Variants in MINDY3 observed in about 807,000 individuals in gnomAD.
The protein encoded by MINDY3 is ubiquitin carboxyl-terminal hydrolase MINDY-3.
Under a neutral mutation model 69.2 loss-of-function variants are expected in MINDY3, and 38 were observed. That is an observed-to-expected ratio of 0.55 (90% CI 0.42 to 0.72). The LOEUF is 0.72. Among genes scored for constraint, MINDY3 ranks in the 30% least tolerant of loss-of-function variants. The pLI is 0.00. For missense variants in MINDY3, 522 were observed against 519.0 expected, an observed-to-expected ratio of 1.01 and a Z score of -0.06; for synonymous variants, 192 against 180.1, an observed-to-expected ratio of 1.07 and a Z score of -0.53.
intron 8 of MINDY3, among the ~76,000 whole-genome samples, chr10:15,825,714 T>C (rs1481407606): frequency 2.0e-5 from 3 of 152,252 alleles, no homozygotes; most frequent in Non-Finnish European, 2.9e-5. Context: ...ATTTACCGTG[T>C]ACAACATGTT....
At chr10:15,822,194 A>T (rs2132005725) in intron 8 of MINDY3, among the ~76,000 whole-genome samples, 1 of 152,342 alleles carries the variant, frequency 6.6e-6, no homozygotes, top group East Asian at 1.9e-4. Context: ...ATGGACATTT[A>T]ATGCCATCCC....
intron 11 of MINDY3, among the ~76,000 whole-genome samples, chr10:15,792,365 T>C (rs899788790): frequency 4.6e-5 from 7 of 152,100 alleles, no homozygotes; most frequent in Non-Finnish European, 8.8e-5. Flanking sequence ...TGATACAAGC[T>C]CATAAATAAG....
intron 8 of MINDY3, 70 bp from the exon 9 acceptor site, chr10:15,821,796 G>A (rs536723403): frequency 5.2e-5 from 61 of 1,163,030 alleles, no homozygotes; most frequent in Non-Finnish European, 6.8e-5. Flanking sequence ...AATTTGAAAC[G>A]TACTTATATG....
intron 5 of MINDY3, 62 bp from the exon 6 acceptor site, chr10:15,837,380 GA>G: frequency 2.2e-6 from 3 of 1,341,788 alleles, no homozygotes; most frequent in Non-Finnish European, 3.1e-6. Flanking sequence ...TCATAAAAGG[GA>G]AAATTTTTAA....
intron 8 of MINDY3, among the ~76,000 whole-genome samples, chr10:15,823,297 CCTCTTAGAGACTA>C (rs1044302348): frequency 6.6e-6 from 1 of 152,080 alleles, no homozygotes; most frequent in African/African-American, 2.4e-5. Flanking sequence ...ACCACAAGAC[CCTCTTAGAGACTA>C]CGTGAGATCA....
intron 6 of MINDY3, among the ~76,000 whole-genome samples, chr10:15,836,097 T>C (rs1424335856): frequency 6.6e-6 from 1 of 152,086 alleles, no homozygotes; most frequent in Admixed American, 6.6e-5. Context: ...AAGTCTTTTC[T>C]TACATATGTG....
At chr10:15,799,188 C>T (rs1838070745) in intron 10 of MINDY3, among the ~76,000 whole-genome samples, 1 of 151,876 alleles carries the variant, frequency 6.6e-6, no homozygotes, top group African/African-American at 2.4e-5. Flanking sequence ...ATTTTTTCCC[C>T]CAAATGCTCT....
At chr10:15,849,908 C>A (rs915674769) in intron 1 of MINDY3, among the ~76,000 whole-genome samples, 10 of 152,172 alleles carry the variant, frequency 6.6e-5, no homozygotes, top group Non-Finnish European at 1.5e-4. Context: ...AATTTTCTTA[C>A]CACACAATTT....
intron 11 of MINDY3, among the ~76,000 whole-genome samples, chr10:15,789,995 T>C (rs1837290850): frequency 6.6e-6 from 1 of 152,024 alleles, no homozygotes; most frequent in African/African-American, 2.4e-5. Context: ...TAAACAAAAG[T>C]TGTTTATTCC....
Position 15,816,886 on chromosome 10 carries a change from G to A in MINDY3, c.831C>T (p.Phe277=). 2 of 1,613,024 alleles carry A rather than the reference G, an allele frequency of 1.2e-6. No individual in the cohort carries two copies. The highest frequency in any genetic ancestry group is 1.7e-6 in the Non-Finnish European group (2 of 1,179,440). Residue 277 remains phenylalanine, a synonymous_variant, in exon 10 of 15, where the codon TTC becomes TTT. Coordinates refer to ENST00000277632, the MANE Select transcript of MINDY3 (RefSeq NM_024948.4). ...TCTCACTGCCAACAATCCAAATAGG[G>A]AATTTTGGAGATTTCAAGTAAGAAC... The part of the protein sequence containing the change: ...KVGSYLKSPK[F]PIWIVGSETH...
chr10:15,830,924 C>A (rs1391948621), intron 8 of MINDY3, among the ~76,000 whole-genome samples: 1 of 152,114 alleles, frequency 6.6e-6, no homozygotes, highest in Non-Finnish European at 1.5e-5. Context: ...TAGAAGCCAC[C>A]TAAATTTTGT....
At chr10:15,802,245 G>A (rs1052693211) in intron 10 of MINDY3, among the ~76,000 whole-genome samples, 9 of 151,996 alleles carry the variant, frequency 5.9e-5, no homozygotes, top group African/African-American at 1.9e-4. Flanking sequence ...TTTCAAAAAC[G>A]AACTGCATTA....
chr10:15,825,279 T>C (rs1840015300), intron 8 of MINDY3, among the ~76,000 whole-genome samples: 1 of 152,208 alleles, frequency 6.6e-6, no homozygotes, highest in South Asian at 2.1e-4. Flanking sequence ...AAAATCGAAA[T>C]CTTAAATGCT....
Position 15,779,043 on chromosome 10 carries a change from C to T in MINDY3, c.1287G>A (p.Trp429Ter). 1 of 1,613,518 alleles carries T rather than the reference C, an allele frequency of 6.2e-7. No homozygotes were observed. The highest frequency in any genetic ancestry group is 8.5e-7 in the Non-Finnish European group (1 of 1,179,728). Residue 429 changes from tryptophan to a stop codon, truncating the protein, a stop_gained, in exon 15 of 15, where the codon TGG becomes TGA. Coordinates refer to ENST00000277632, the MANE Select transcript of MINDY3 (RefSeq NM_024948.4). LOFTEE classifies it high-confidence loss of function. ...TGGTCCAGAGTAACTCAATGTATGG[C>T]CATTTGGTTTGCAGACAGCGTTTAA... ...TPIKRCLQTK[W>*]PYIELLWTTD... is the part of the protein sequence containing the mutation.
chr10:15,789,412 A>G (rs1038842699), intron 11 of MINDY3, 93 bp from the exon 12 acceptor site: 7 of 929,456 alleles, frequency 7.5e-6, no homozygotes, highest in Admixed American at 2.0e-5. Flanking sequence ...AAAAAATCGC[A>G]TAAAAAATAC....
rs538954111 is a variant in MINDY3 at position 15,850,756 on chromosome 10, T to C, written c.95-2813A>G. On this transcript the variant is annotated intron_variant, in intron 1 of 14. Transcript: ENST00000277632. ...TCCTGTGATCTCACTCTGCCCCCAT[T>C]TGCCTTGTGATATTTTATTGCCCTT... Among the ~76,000 whole-genome samples, 21 of 152,246 alleles carry C rather than the reference T, an allele frequency of 1.4e-4. No homozygotes were observed. In the South Asian group the frequency reaches 4.4e-3, roughly 32 times the overall value.
chr10:15,837,458 T>C, intron 5 of MINDY3, 140 bp from the exon 6 acceptor site: 12 of 1,302,034 alleles, frequency 9.2e-6, no homozygotes, highest in African/African-American at 1.5e-5. Context: ...AAATTTTTCA[T>C]TACAAATTTA....
intron 5 of MINDY3, 92 bp downstream of exon 5, chr10:15,838,136 T>C (rs768973875): frequency 8.7e-6 from 12 of 1,372,620 alleles, no homozygotes; most frequent in African/African-American, 1.5e-5. Flanking sequence ...CGCATTTCTA[T>C]GTAAAACTAA....
chr10:15,809,642 C>T lies in MINDY3; in HGVS notation c.882+7193G>A, dbSNP rs1038951091. On this transcript the variant is annotated intron_variant, in intron 10 of 14. Transcript: ENST00000277632. ...CTGCATTTCACCTCACCCGTATCCT[C>T]TTATTAGAAGTTCTGTGGGAACCCT... is the stretch of plus-strand genomic sequence containing the variant. 5.3e-5 allele frequency among the ~76,000 whole-genome samples: 8 copies of T among 152,212 alleles called. No individual in the cohort carries two copies. In the East Asian group the frequency reaches 1.4e-3, roughly 26 times the overall value.
Sources: allele counts gnomAD v4.1 joint callset (sites outside exome capture counted in the v4.1 genomes callset), GRCh38; gene constraint gnomAD v4.1.1; transcripts MANE v1.5; gene names NCBI Gene and HGNC (gene_info 2026-07-23, HGNC 2026-07-21).